LPA: variants seen among roughly 807,000 people sequenced by gnomAD.
LPA encodes apolipoprotein(a).
LPA carries 199 observed loss-of-function variants against 197.9 expected under a neutral mutation model. The observed-to-expected ratio is 1.01, with a 90% CI of 0.90 to 1.13. The LOEUF (loss-of-function observed/expected upper bound fraction) is 1.13, where lower values mean the gene tolerates loss of function less well. LPA is among the 50% of genes most tolerant of loss of function. The pLI, the probability that LPA is intolerant of heterozygous loss-of-function variation, is 0.00. For missense variants in LPA, 1,853 were observed against 1,785.8 expected, an observed-to-expected ratio of 1.04 and a Z score of -0.68; for synonymous variants, 715 against 639.5, an observed-to-expected ratio of 1.12 and a Z score of -1.78.
At chr6:160,532,223 T>C (rs1026753076) in intron 38 of LPA, among the ~76,000 whole-genome samples, 5 of 152,114 alleles carry the variant, frequency 3.3e-5, no homozygotes, top group Non-Finnish European at 7.4e-5. Flanking sequence ...CCCTCTACCT[T>C]CCTCTCTACT....
chr6:160,595,279 C>G, intron 21 of LPA, 75 bp downstream of exon 21: 1 of 1,563,826 alleles, frequency 6.4e-7, no homozygotes, highest in Non-Finnish European at 8.7e-7. Flanking sequence ...TGGAAGGCTT[C>G]TATATCACTA....
chr6:160,553,954 T>TGTGTGTGTGTGTGCGCGCGC (rs771903485), intron 30 of LPA, among the ~76,000 whole-genome samples: 2 of 130,748 alleles, frequency 1.5e-5, no homozygotes, highest in African/African-American at 6.1e-5. Context: ...TGTGTGTGTG[T>TGTGTGTGTGTGTGCGCGCGC]GCGCGCGCGC....
At chr6:160,580,076 G>T (rs945403414) in intron 26 of LPA, among the ~76,000 whole-genome samples, 1 of 152,058 alleles carries the variant, frequency 6.6e-6, no homozygotes, top group Non-Finnish European at 1.5e-5. Context: ...AAATGCTATT[G>T]GTTTCTTTCA....
chr6:160,564,440 A>C (rs2115018243), intron 28 of LPA, among the ~76,000 whole-genome samples: 1 of 151,832 alleles, frequency 6.6e-6, no homozygotes, highest in African/African-American at 2.4e-5. Context: ...TCAGACTCCA[A>C]TTTCTTCAGT....
At chr6:160,554,756 A>C (rs903813155) in intron 30 of LPA, among the ~76,000 whole-genome samples, 3 of 151,962 alleles carry the variant, frequency 2.0e-5, no homozygotes, top group Non-Finnish European at 4.4e-5. Context: ...ACTTCCATGC[A>C]TATTCCTTCA....
chr6:160,536,344 A>G (rs1365229558), intron 37 of LPA, among the ~76,000 whole-genome samples: 1 of 152,206 alleles, frequency 6.6e-6, no homozygotes, highest in Non-Finnish European at 1.5e-5. Context: ...ATTTTCTGTC[A>G]CTTGCAAGAA....
intron 28 of LPA, among the ~76,000 whole-genome samples, chr6:160,572,170 C>G (rs1246478082): frequency 6.6e-6 from 1 of 152,196 alleles, no homozygotes; most frequent in Non-Finnish European, 1.5e-5. Flanking sequence ...AGGTGACACC[C>G]CACCCTGCTT....
chr6:160,661,968 A>G (rs1428213224), intron 1 of LPA, among the ~76,000 whole-genome samples: 1 of 152,180 alleles, frequency 6.6e-6, no homozygotes, highest in Non-Finnish European at 1.5e-5. Flanking sequence ...ACTTCCATTT[A>G]TTTCCCCCTT....
chr6:160,538,804 C>T (rs540305213), intron 36 of LPA, among the ~76,000 whole-genome samples: 22 of 152,044 alleles, frequency 1.4e-4, no homozygotes, highest in Non-Finnish European at 2.5e-4. Flanking sequence ...TGGGGATGTG[C>T]GGTGGGAACT....
At chr6:160,601,878 T>G (rs892133585) in intron 18 of LPA, among the ~76,000 whole-genome samples, 2 of 152,240 alleles carry the variant, frequency 1.3e-5, no homozygotes, top group Middle Eastern at 3.4e-3. Context: ...GGGGATGAGT[T>G]GAAAGAACAG....
intron 32 of LPA, among the ~76,000 whole-genome samples, chr6:160,546,573 G>A (rs1341532776): frequency 1.3e-5 from 2 of 152,152 alleles, no homozygotes; most frequent in African/African-American, 2.4e-5. Context: ...TATCCAGCTG[G>A]GCAGAAGTAC....
At chr6:160,597,134 A>C (rs1223016117) in intron 20 of LPA, among the ~76,000 whole-genome samples, 3 of 152,150 alleles carry the variant, frequency 2.0e-5, no homozygotes, top group Non-Finnish European at 2.9e-5. Context: ...TGCACACTTT[A>C]ATGTGTACTC....
chr6:160,647,046 A>G (rs1314090202), intron 2 of LPA, among the ~76,000 whole-genome samples: 1 of 152,166 alleles, frequency 6.6e-6, no homozygotes, highest in Non-Finnish European at 1.5e-5. Context: ...GACTTCTCAA[A>G]GCTGCCCTGG....
intron 28 of LPA, among the ~76,000 whole-genome samples, chr6:160,567,481 A>G (rs982771494): frequency 6.6e-6 from 1 of 152,262 alleles, no homozygotes. Context: ...AATCTCTGGG[A>G]CACATTTAAA....
At chr6:160,603,233 G>GGTGTGTGTGTGTGTGTGT (rs72482597) in intron 18 of LPA, among the ~76,000 whole-genome samples, 110 of 144,854 alleles carry the variant, frequency 7.6e-4, no homozygotes, top group Admixed American at 2.5e-3. Context: ...TATTTGTGGA[G>GGTGTGTGTGTGTGTGTGT]GTGTGTGTGT....
intron 1 of LPA, 101 bp downstream of exon 1, chr6:160,664,065 T>C (rs1780269099): frequency 2.4e-6 from 3 of 1,245,954 alleles, no homozygotes; most frequent in Non-Finnish European, 3.4e-6. Context: ...ATTTCATGAA[T>C]CAAAAATTAA....
rs750817573 is a variant in LPA at position 160,611,715 on chromosome 6, G to C, written c.2450C>G (p.Thr817Ser). The stretch of plus-strand genomic sequence containing the variant: ...CTCCTGCACCCCAGGCCTCTGCTCA[G>C]TCGGTGCTGAAATGAAAACACAAGA... ...SLEAPSEQAP[T>S]EQRPGVQECY... Residue 817 changes from threonine to serine, a missense_variant, in exon 16 of 39, where the codon ACT (threonine) becomes AGT (serine). By Grantham distance (58) the Thr-to-Ser change is moderately conservative. Transcript: ENST00000316300. 6.6e-7 allele frequency: 1 copy of C among 1,512,248 alleles called. No homozygotes were observed. The highest frequency in any genetic ancestry group is 2.3e-5 in the East Asian group (1 of 43,598). The allele number at this position is 1,512,248 out of a possible 1,614,324, so 93.7% of individuals were successfully genotyped here. A position where few individuals can be genotyped will look rare whatever the true frequency, so the allele number is the denominator to read the frequency against.
intron 1 of LPA, among the ~76,000 whole-genome samples, chr6:160,653,974 AATATATAATATATAATATATAT>A (rs1780058464): frequency 1.2e-4 from 2 of 16,342 alleles, no homozygotes; most frequent in Non-Finnish European, 2.3e-4. Flanking sequence ...TATTATATAT[AATATATAATATATAATATATAT>A]TATATATAAT....
At chr6:160,650,578 A>G in intron 1 of LPA, 81 bp from the exon 2 acceptor site, 1 of 1,412,186 alleles carries the variant, frequency 7.1e-7, no homozygotes, top group Non-Finnish European at 1.0e-6. Context: ...CACAAACAGG[A>G]AAAAGTCTCT....
Sources: allele counts gnomAD v4.1 joint callset (sites outside exome capture counted in the v4.1 genomes callset), GRCh38; gene constraint gnomAD v4.1.1; transcripts MANE v1.5; gene names NCBI Gene and HGNC (gene_info 2026-07-23, HGNC 2026-07-21).